GAL3ST2: variants seen among roughly 807,000 people sequenced by gnomAD.
GAL3ST2 encodes the protein beta-galactose-3-O-sulfotransferase 2.
In GAL3ST2, 16 loss-of-function variants were observed where a neutral mutation model predicts 12.9. That is an observed-to-expected ratio of 1.24 (90% CI 0.84 to 1.88). The LOEUF is 1.88. Ranked by LOEUF, GAL3ST2 falls within the 40% of genes most tolerant of loss-of-function variation. The pLI is 0.00. For missense variants in GAL3ST2, 639 were observed against 571.8 expected, an observed-to-expected ratio of 1.12 and a Z score of -1.20; for synonymous variants, 302 against 273.9, an observed-to-expected ratio of 1.10 and a Z score of -1.01.
chr2:241,802,045 G>C lies in GAL3ST2; in HGVS notation c.375+9G>C, dbSNP rs753419458. On this transcript the variant is annotated intron_variant, in intron 3 of 3. Transcript: ENST00000192314. This position sits in a 1 kb window ranked among gnomAD's most constrained non-coding sequence, Gnocchi z 4.8. The stretch of plus-strand genomic sequence containing the variant: ...GGTTCAACCTGCCTCAGGTACCGCG[G>C]GCCTGCTGGGGAGGAGGGCGGGCTG... 2.5e-6 allele frequency: 4 copies of C among 1,603,026 alleles called. No homozygotes were observed. The highest frequency in any genetic ancestry group is 1.1e-5 in the South Asian group (1 of 89,806).
intron 1 of GAL3ST2, among the ~76,000 whole-genome samples, chr2:241,788,842 T>A (rs1428696979): frequency 6.6e-6 from 1 of 152,080 alleles, no homozygotes; most frequent in East Asian, 1.9e-4. Context: ...AGTGACTCAG[T>A]GGTGACACAC....
intron 1 of GAL3ST2, among the ~76,000 whole-genome samples, chr2:241,791,059 G>T (rs1699687788): frequency 6.6e-6 from 1 of 152,162 alleles, no homozygotes. Context: ...TTTCTTAAAT[G>T]TATTTGATTG....
At position 241,801,752 on chromosome 2, in the gene GAL3ST2, C is replaced by T. The variant is rs1259858023; in HGVS notation, c.120-29C>T. 1.2e-6 allele frequency: 2 copies of T among 1,603,890 alleles called. No homozygotes were observed. Among genetic ancestry groups the T allele is most frequent in the Admixed American group, 3.3e-5 (2 of 59,778 alleles). ...GGGGGTTGGGGCATCTGCACCCTTG[C>T]TGAAGGCTGCGTGTGCCTTCCCTCC... On this transcript the variant is annotated intron_variant, in intron 2 of 3. Transcript: ENST00000192314. This position sits in a 1 kb window ranked among gnomAD's most constrained non-coding sequence, Gnocchi z 4.4.
intron 1 of GAL3ST2, among the ~76,000 whole-genome samples, chr2:241,789,566 A>C (rs1699671872): frequency 6.6e-6 from 1 of 152,230 alleles, no homozygotes. Context: ...AGGGAAAAAA[A>C]TATGGTCTTT....
At chr2:241,790,715 A>G (rs1237651487) in intron 1 of GAL3ST2, among the ~76,000 whole-genome samples, 1 of 152,216 alleles carries the variant, frequency 6.6e-6, no homozygotes, top group African/African-American at 2.4e-5. Flanking sequence ...CTTGTGGGAA[A>G]AATCCACATT....
At chr2:241,785,847 G>T (rs1036113587) in intron 1 of GAL3ST2, among the ~76,000 whole-genome samples, 2 of 150,394 alleles carry the variant, frequency 1.3e-5, no homozygotes, top group African/African-American at 4.8e-5. Flanking sequence ...CATGAAGAAG[G>T]CCTTTTAAAT....
At chr2:241,794,207 C>T (rs1057104534) in intron 1 of GAL3ST2, among the ~76,000 whole-genome samples, 1 of 152,146 alleles carries the variant, frequency 6.6e-6, no homozygotes, top group Admixed American at 6.5e-5. Flanking sequence ...CTCAGCCTCC[C>T]GAAGTGCTGG....
chr2:241,793,781 G>A lies in GAL3ST2; in HGVS notation c.30-5284G>A, dbSNP rs141793126. 4.2e-4 allele frequency among the ~76,000 whole-genome samples: 64 copies of A among 151,574 alleles called. No individual in the cohort carries two copies. The East Asian group carries it at 0.012, about 28-fold the overall frequency. On this transcript the variant is annotated intron_variant, in intron 1 of 3. Transcript: ENST00000192314. The surrounding 1 kb of genome is among the most constrained non-coding windows in gnomAD (Gnocchi z 4.7). ...TGTGTATGTGTAGTGTGTATTATTTGTGTGTGTGTGTATTGTGTGTGTATG... is the reference window on the plus strand; with the variant it reads ...TGTGTATGTGTAGTGTGTATTATTTATGTGTGTGTGTATTGTGTGTGTATG...
At chr2:241,796,729 G>C (rs1699775747) in intron 1 of GAL3ST2, among the ~76,000 whole-genome samples, 1 of 152,216 alleles carries the variant, frequency 6.6e-6, no homozygotes, top group African/African-American at 2.4e-5. Context: ...GGGGGAGACA[G>C]AGTGGTCCTG....
At chr2:241,779,468 C>T (rs1293393681) in intron 1 of GAL3ST2, among the ~76,000 whole-genome samples, 4 of 150,678 alleles carry the variant, frequency 2.7e-5, no homozygotes, top group Non-Finnish European at 4.4e-5. Flanking sequence ...CTCCTGACCT[C>T]GTGATCCGCC....
At chr2:241,787,947 A>T (rs1699647927) in intron 1 of GAL3ST2, among the ~76,000 whole-genome samples, 1 of 152,136 alleles carries the variant, frequency 6.6e-6, no homozygotes, top group Admixed American at 6.5e-5. Flanking sequence ...TTTGGCTAAA[A>T]TTCCTTGCAG....
chr2:241,778,761 C>T (rs1324675061), intron 1 of GAL3ST2, among the ~76,000 whole-genome samples: 1 of 152,154 alleles, frequency 6.6e-6, no homozygotes, highest in African/African-American at 2.4e-5. Context: ...CATGAGACAT[C>T]AGTCCGCATA....
chr2:241,776,936 G>T lies in GAL3ST2; in HGVS notation c.-20G>T, dbSNP rs1399887231. The T allele has an allele frequency of 6.5e-7, 1 of 1,530,244 alleles. No homozygotes were observed. The highest frequency in any genetic ancestry group is 8.8e-7 in the Non-Finnish European group (1 of 1,133,226). 94.8% of individuals were successfully genotyped at this position (1,530,244 alleles called of 1,614,324 possible). ...GAGCTCAAGCCTCGACTGTCCCCTCGCTGGAGGCCAGAGGCCAAGATGATG... is the reference window on the plus strand; with the variant it reads ...GAGCTCAAGCCTCGACTGTCCCCTCTCTGGAGGCCAGAGGCCAAGATGATG... On this transcript the variant is annotated 5_prime_UTR_variant, in exon 1 of 4. Coordinates refer to ENST00000192314, the MANE Select transcript of GAL3ST2 (RefSeq NM_022134.3).
At chr2:241,794,387 G>C (rs950763441) in intron 1 of GAL3ST2, among the ~76,000 whole-genome samples, 1 of 152,220 alleles carries the variant, frequency 6.6e-6, no homozygotes, top group Admixed American at 6.5e-5. Context: ...CCGAGGCCTG[G>C]TGCCTCAAGC....
rs1163194233 is a variant in GAL3ST2, at chr2:241,801,554, G to A, written c.120-227G>A. Reference sequence around the variant, plus strand: ...CACAGGGTTGGGGGAGCATGGTTACGGGAGACAGTTGGGGGAGTTTGTGTT... The same window carrying A: ...CACAGGGTTGGGGGAGCATGGTTACAGGAGACAGTTGGGGGAGTTTGTGTT... On this transcript the variant is annotated intron_variant, in intron 2 of 3. Coordinates refer to ENST00000192314, the MANE Select transcript of GAL3ST2 (RefSeq NM_022134.3). The surrounding 1 kb of genome is among the most constrained non-coding windows in gnomAD (Gnocchi z 4.4). 1 of 601,510 alleles carries A rather than the reference G, an allele frequency of 1.7e-6. No homozygotes were observed. The highest frequency in any genetic ancestry group is 2.9e-6 in the Non-Finnish European group (1 of 342,388). 37.3% of individuals were successfully genotyped at this position (601,510 alleles called of 1,614,324 possible). A position where few individuals can be genotyped will look rare whatever the true frequency, so the allele number is the denominator to read the frequency against.
chr2:241,803,675 C>A lies in GAL3ST2; in HGVS notation c.706C>A (p.Leu236Met). ...IAEHLDESLV[L>M]LRRRLRWALD... is the part of the protein sequence containing the mutation. ...CGAGCACCTGGACGAGTCCCTGGTG[C>A]TGCTGCGGCGCCGGCTGCGCTGGGC... The change falls in exon 4 of 4, where the codon CTG becomes ATG. Residue 236 changes from leucine (L) to methionine (M), a missense_variant. Coordinates refer to ENST00000192314, the MANE Select transcript of GAL3ST2 (RefSeq NM_022134.3). The A allele has an allele frequency of 6.5e-7, 1 of 1,547,342 alleles. No individual in the cohort carries two copies. The highest frequency in any genetic ancestry group is 8.7e-7 in the Non-Finnish European group (1 of 1,145,236).
chr2:241,778,882 G>T (rs1699527686), intron 1 of GAL3ST2, among the ~76,000 whole-genome samples: 1 of 152,144 alleles, frequency 6.6e-6, no homozygotes, highest in South Asian at 2.1e-4. Flanking sequence ...AGAGACAAAT[G>T]GTTGCATTCT....
At chr2:241,792,841 C>G (rs1367630864) in intron 1 of GAL3ST2, among the ~76,000 whole-genome samples, 1 of 152,182 alleles carries the variant, frequency 6.6e-6, no homozygotes, top group Non-Finnish European at 1.5e-5. Context: ...AACCTGCCCC[C>G]CATTGTATTC....
At chr2:241,796,598 T>G (rs1266258356) in intron 1 of GAL3ST2, among the ~76,000 whole-genome samples, 1 of 152,174 alleles carries the variant, frequency 6.6e-6, no homozygotes, top group African/African-American at 2.4e-5. Flanking sequence ...CTGTCATAGG[T>G]GAAGCCTGCT....
Sources: allele counts gnomAD v4.1 joint callset (sites outside exome capture counted in the v4.1 genomes callset), GRCh38; gene constraint gnomAD v4.1.1; non-coding constraint Gnocchi (gnomAD v3.1); transcripts MANE v1.5; gene names NCBI Gene and HGNC (gene_info 2026-07-23, HGNC 2026-07-21).